The following FADS6 variants were observed in gnomAD, a reference collection of about 807,000 sequenced individuals.
The protein encoded by FADS6 is fatty acid desaturase 6, also known as fatty acid desaturase domain family, member 6.
In FADS6, 28 loss-of-function variants were observed where a neutral mutation model predicts 31.7. The ratio of observed to expected loss-of-function variants is 0.88; its 90% CI spans 0.66 to 1.21. The LOEUF (loss-of-function observed/expected upper bound fraction) is 1.21. Ranked by LOEUF, FADS6 falls within the 50% of genes most tolerant of loss-of-function variation. FADS6 has a pLI of 0.00. For missense variants in FADS6, 494 were observed against 504.2 expected (o/e 0.98, Z 0.19); for synonymous variants, 191 against 213.1 (o/e 0.90, Z 0.90).
In FADS6 at chr17:74,879,597, G is replaced by A. The variant is rs116982675; in HGVS notation, c.781-14C>T. On this transcript the variant is annotated splice_polypyrimidine_tract_variant and intron_variant, in intron 4 of 5. Transcript: ENST00000612771. Reference sequence around the variant, plus strand: ...CAGTCCGATGTGCTGTGACAGACACGTGGGTCACGCCGGGCAGCCTGGACC... The same window carrying A: ...CAGTCCGATGTGCTGTGACAGACACATGGGTCACGCCGGGCAGCCTGGACC... 63,210 of 1,605,446 alleles carry A rather than the reference G, an allele frequency of 0.039. 1,479 individuals carry two copies. The highest frequency in any genetic ancestry group is 0.046 in the Non-Finnish European group (54,646 of 1,175,266).
chr17:74,890,619 G>A (rs536245893), intron 2 of FADS6, among the ~76,000 whole-genome samples: 2 of 152,238 alleles, frequency 1.3e-5, no homozygotes, highest in South Asian at 2.1e-4. Context: ...AATATTGATG[G>A]AAGAATATTG....
At chr17:74,885,067 T>G (rs1217889535) in intron 2 of FADS6, among the ~76,000 whole-genome samples, 1 of 151,986 alleles carries the variant, frequency 6.6e-6, no homozygotes, top group African/African-American at 2.4e-5. Flanking sequence ...ACCAAGGGGA[T>G]ACTGCCAAAC....
At chr17:74,889,638 G>C (rs2038666804) in intron 2 of FADS6, among the ~76,000 whole-genome samples, 1 of 151,734 alleles carries the variant, frequency 6.6e-6, no homozygotes, top group Non-Finnish European at 1.5e-5. Context: ...GGCCGAGGTG[G>C]GTGGCTCACC....
Position 74,893,334 on chromosome 17 carries a change from G to T in FADS6, c.244+18C>A. On this transcript the variant is annotated intron_variant, in intron 1 of 5. Transcript: ENST00000612771. Reference sequence around the variant, plus strand: ...CACCCGCAGCCCGGCCGGGACGCCGGGTCCCCGCGTTCCTCACCTGCCGGC... The same window carrying T: ...CACCCGCAGCCCGGCCGGGACGCCGTGTCCCCGCGTTCCTCACCTGCCGGC... 6.6e-7 allele frequency: 1 copy of T among 1,507,096 alleles called. No homozygotes were observed. 93.4% of individuals were successfully genotyped at this position (1,507,096 alleles called of 1,614,324 possible).
At chr17:74,891,947 G>C (rs1311589023) in intron 2 of FADS6, among the ~76,000 whole-genome samples, 1 of 152,202 alleles carries the variant, frequency 6.6e-6, no homozygotes, top group African/African-American at 2.4e-5. Flanking sequence ...GGGAGGCCTG[G>C]AGACCAGTCA....
intron 2 of FADS6, among the ~76,000 whole-genome samples, chr17:74,889,870 C>CA (rs59381032): frequency 0.035 from 1,861 of 53,352 alleles, 290 homozygotes; most frequent in African/African-American, 0.1. Context: ...GACTCAGTCT[C>CA]AAAAAAAAAA....
chr17:74,887,798 G>A (rs1463938016), intron 2 of FADS6, among the ~76,000 whole-genome samples: 3 of 152,188 alleles, frequency 2.0e-5, no homozygotes, highest in Admixed American at 6.5e-5. Flanking sequence ...CAATTCCCCT[G>A]CCTCAGCCTC....
At position 74,877,713 on chromosome 17, in the gene FADS6, C is replaced by T. The variant is rs2038520433; in HGVS notation, c.*618G>A. The T allele has an allele frequency of 3.0e-6, 3 of 985,504 alleles. No homozygotes were observed. Among genetic ancestry groups the T allele is most frequent in the Non-Finnish European group, 3.6e-6 (3 of 830,064 alleles). 61.0% of individuals were successfully genotyped at this position (985,504 alleles called of 1,614,324 possible). A position where few individuals can be genotyped will look rare whatever the true frequency, so the allele number is the denominator to read the frequency against. On this transcript the variant is annotated 3_prime_UTR_variant, in exon 6 of 6. Transcript: ENST00000612771. ...CCCCTGGAGTTCCCTCCCGACAAAACACACTCACTTTTATCTTGCTGATAC... is the reference window on the plus strand; with the variant it reads ...CCCCTGGAGTTCCCTCCCGACAAAATACACTCACTTTTATCTTGCTGATAC...
chr17:74,888,150 A>AGTG lies in FADS6; in HGVS notation c.411+4372_411+4373insCAC, dbSNP rs2038646584. On this transcript the variant is annotated intron_variant, in intron 2 of 5. Coordinates refer to ENST00000612771, the MANE Select transcript of FADS6 (RefSeq NM_178128.6). ...ACCACACACACACACACACACACAC[A>AGTG]CACACGCGCGCGCGCGCGCGCGCAG... Among the ~76,000 whole-genome samples the AGTG allele has an allele frequency of 1.6e-3, 195 of 123,654 alleles. 5 individuals are homozygous for AGTG. The highest frequency in any genetic ancestry group is 6.2e-4 in the Non-Finnish European group (39 of 62,886). The allele number at this position is 123,654 out of a possible 152,430, so 81.1% of individuals were successfully genotyped here. A position where few individuals can be genotyped will look rare whatever the true frequency, so the allele number is the denominator to read the frequency against.
chr17:74,881,017 T>G (rs534376389), intron 4 of FADS6, 51 bp downstream of exon 4: 1 of 1,548,942 alleles, frequency 6.5e-7, no homozygotes, highest in African/African-American at 1.4e-5. Context: ...TCAGGGCCCC[T>G]GGAGAATGCT....
Position 74,882,694 on chromosome 17 carries a change from G to A in FADS6, c.428C>T (p.Thr143Ile), listed in dbSNP as rs1207674843. The A allele has an allele frequency of 6.2e-7, 1 of 1,609,944 alleles. No homozygotes were observed. The highest frequency in any genetic ancestry group is 1.1e-5 in the South Asian group (1 of 90,010). The part of the protein sequence containing the change: ...LFFVEVCTAF[T>I]AEHATHGHVK... ...GTGCCCATGCGTGGCGTGCTCTGCA[G>A]TGAAGGCTGTGCACACCTAGAGGAG... Residue 143 changes from threonine (T) to isoleucine (I), a missense_variant, in exon 3 of 6, where the codon ACT (threonine) becomes ATT (isoleucine). This residue lies in a region of FADS6 where 454 missense variants were observed against 438.5 expected (regional missense o/e 1.04). Transcript: ENST00000612771.
intron 2 of FADS6, among the ~76,000 whole-genome samples, chr17:74,888,137 C>CAA (rs2038643932): frequency 3.1e-5 from 3 of 96,442 alleles, no homozygotes; most frequent in African/African-American, 1.5e-4. Flanking sequence ...CACACACACA[C>CAA]ACACACACAC....
rs988888287 is a variant in FADS6 at position 74,877,678 on chromosome 17, C to T, written c.*653G>A. On this transcript the variant is annotated 3_prime_UTR_variant, in exon 6 of 6. Coordinates refer to ENST00000612771, the MANE Select transcript of FADS6 (RefSeq NM_178128.6). ...TAACTCTGTCCCTGGGGAACCTTCT[C>T]CCCTCACTTCCCCTGGAGTTCCCTC... 2 of 984,446 alleles carry T rather than the reference C, an allele frequency of 2.0e-6. No individual in the cohort carries two copies. The highest frequency in any genetic ancestry group is 1.7e-5 in the African/African-American group (1 of 57,200). 61.0% of individuals were successfully genotyped at this position (984,446 alleles called of 1,614,324 possible).
chr17:74,878,188 G>A lies in FADS6; in HGVS notation c.*143C>T, dbSNP rs560265764. On this transcript the variant is annotated 3_prime_UTR_variant, in exon 6 of 6. Transcript: ENST00000612771. ...GGTGGCCCCCAGACCCCAGGCCTGA[G>A]CTCCCCTGCCCCCCTGCCTGGCCGG... The A allele has an allele frequency of 8.4e-6, 12 of 1,432,610 alleles. No individual in the cohort carries two copies. The highest frequency in any genetic ancestry group is 5.1e-4 in the Middle Eastern group (2 of 3,942). 88.7% of individuals were successfully genotyped at this position (1,432,610 alleles called of 1,614,324 possible). A position where few individuals can be genotyped will look rare whatever the true frequency, so the allele number is the denominator to read the frequency against.
At chr17:74,880,457 C>T (rs1294331245) in intron 4 of FADS6, among the ~76,000 whole-genome samples, 2 of 152,014 alleles carry the variant, frequency 1.3e-5, no homozygotes, top group Non-Finnish European at 2.9e-5. Context: ...CGGGTTCAAG[C>T]GATTCTCCCG....
In FADS6 at chr17:74,882,500, C is replaced by G; in HGVS notation, c.592+30G>C. 3 of 1,585,812 alleles carry G rather than the reference C, an allele frequency of 1.9e-6. No individual in the cohort carries two copies. The South Asian group carries it at 3.5e-5, about 18-fold the overall frequency. ...GCAGGGGAACTAGGTCCATGCAGGA[C>G]ACTGCGGACCGGGCTCTCATGGCAC... On this transcript the variant is annotated intron_variant, in intron 3 of 5. Transcript: ENST00000612771.
chr17:74,879,317 T>C (rs75333280), intron 5 of FADS6, 87 bp downstream of exon 5: 1 of 1,505,892 alleles, frequency 6.6e-7, no homozygotes, highest in African/African-American at 1.4e-5. Flanking sequence ...GATTATAGTG[T>C]GAGCAACGCC....
At position 74,878,385 on chromosome 17, in the gene FADS6, G is replaced by T; in HGVS notation, c.1053C>A (p.Arg351=). The T allele has an allele frequency of 6.2e-7, 1 of 1,614,024 alleles. No homozygotes were observed. Among genetic ancestry groups the T allele is most frequent in the Non-Finnish European group, 8.5e-7 (1 of 1,179,882 alleles). ...GGGCCTGCACCATGAATTCCTCATA[G>T]CGACGGAGAAACAGCTGGAAGCGAG... ...YLARFQLFLR[R]YEEFMVQAPP... Residue 351 remains arginine, a synonymous_variant, in exon 6 of 6, where the codon CGC becomes CGA. Transcript: ENST00000612771.
intron 5 of FADS6, among the ~76,000 whole-genome samples, chr17:74,878,753 C>T (rs1336182304): frequency 2.0e-5 from 3 of 152,234 alleles, no homozygotes; most frequent in African/African-American, 7.2e-5. Flanking sequence ...TTTTACCAAG[C>T]ACCTACCATG....
Sources: gnomAD v4.1 joint callset for allele counts (sites outside exome capture counted in the v4.1 genomes callset) on GRCh38, gnomAD v4.1.1 for gene constraint, gnomAD v4.1.1 regional missense constraint, MANE v1.5 for transcripts, NCBI Gene and HGNC (gene_info 2026-07-23, HGNC 2026-07-21) for gene names.